The following LYRM4 variants were observed in gnomAD, a reference collection of about 807,000 sequenced individuals.
The protein encoded by LYRM4 is LYR motif-containing protein 4.
In LYRM4, 9 loss-of-function variants were observed where a neutral mutation model predicts 11.7. The ratio of observed to expected loss-of-function variants is 0.77; its 90% CI spans 0.46 to 1.34. The LOEUF (loss-of-function observed/expected upper bound fraction) is 1.34. LYRM4 is among the 40% of genes most tolerant of loss of function. The pLI is 0.00. For missense variants in LYRM4, 133 were observed against 112.5 expected (o/e 1.18, Z -0.82); for synonymous variants, 42 against 40.4 (o/e 1.04, Z -0.15).
chr6:5,245,120 A>ATATATG lies in LYRM4; in HGVS notation c.86+15527_86+15528insCATATA, dbSNP rs1764122055. On this transcript the variant is annotated intron_variant, in intron 1 of 2. Coordinates refer to ENST00000330636, the MANE Select transcript of LYRM4 (RefSeq NM_020408.6). ...AAAAAAAAAAAAAAAAAAAATATAT[A>ATATATG]TATATATATATATATATATATATAT... is the stretch of plus-strand genomic sequence containing the variant. 3.0e-4 allele frequency among the ~76,000 whole-genome samples: 7 copies of ATATATG among 23,422 alleles called. 1 individual carries two copies. The highest frequency in any genetic ancestry group is 4.3e-4 in the Admixed American group (1 of 2,308). 15.4% of individuals were successfully genotyped at this position (23,422 alleles called of 152,430 possible).
intron 1 of LYRM4, among the ~76,000 whole-genome samples, chr6:5,221,182 A>G (rs1459566935): frequency 2.0e-5 from 3 of 151,966 alleles, no homozygotes; most frequent in African/African-American, 7.3e-5. Flanking sequence ...TGCCCCTTAC[A>G]TGCTGTATTC....
chr6:5,216,690 A>G lies in LYRM4; in HGVS notation c.135T>C (p.Asn45=). 6.2e-7 allele frequency: 1 copy of G among 1,613,866 alleles called. No homozygotes were observed. Among genetic ancestry groups the G allele is most frequent in the South Asian group, 1.1e-5 (1 of 91,074 alleles). ...RIRDAFRENK[N]VKDPVEIQTL... ...TTTGAATTTCTACAGGATCCTTTAC[A>G]TTTTTATTTTCTCTGAAGGCATCTC... is the stretch of plus-strand genomic sequence containing the variant. The change falls in exon 2 of 3, where the codon AAT becomes AAC. Residue 45 remains asparagine (N), a synonymous_variant. Coordinates refer to ENST00000330636, the MANE Select transcript of LYRM4 (RefSeq NM_020408.6).
At chr6:5,166,443 G>C (rs1378198747) in intron 2 of LYRM4, among the ~76,000 whole-genome samples, 1 of 152,220 alleles carries the variant, frequency 6.6e-6, no homozygotes, top group African/African-American at 2.4e-5. Context: ...TTCTTCATTT[G>C]TTTTCAAGGT....
chr6:5,173,279 C>G (rs1426538044), intron 2 of LYRM4, among the ~76,000 whole-genome samples: 1 of 152,232 alleles, frequency 6.6e-6, no homozygotes, highest in African/African-American at 2.4e-5. Flanking sequence ...TCAGACACAT[C>G]AACGCTGTTA....
chr6:5,256,474 G>A (rs1764672597), intron 1 of LYRM4, among the ~76,000 whole-genome samples: 1 of 93,664 alleles, frequency 1.1e-5, no homozygotes, highest in South Asian at 3.9e-4. Context: ...TGGGCAACAA[G>A]GGCAAGATTT....
intron 2 of LYRM4, among the ~76,000 whole-genome samples, chr6:5,187,718 C>A (rs1431191474): frequency 6.6e-6 from 1 of 151,684 alleles, no homozygotes; most frequent in South Asian, 2.1e-4. Context: ...CAAACCTGCA[C>A]GTTGTGCACA....
intron 2 of LYRM4, among the ~76,000 whole-genome samples, chr6:5,170,395 G>C (rs953056718): frequency 6.6e-6 from 1 of 152,060 alleles, no homozygotes; most frequent in African/African-American, 2.4e-5. Context: ...ATTTTTCAAG[G>C]GGAGTATCCA....
chr6:5,237,897 G>A (rs966233323), intron 1 of LYRM4, among the ~76,000 whole-genome samples: 1 of 152,146 alleles, frequency 6.6e-6, no homozygotes. Context: ...AATGTCTTCC[G>A]CTTTAGCACC....
intron 2 of LYRM4, among the ~76,000 whole-genome samples, chr6:5,131,632 A>T (rs1414914787): frequency 6.6e-6 from 1 of 152,206 alleles, no homozygotes; most frequent in Non-Finnish European, 1.5e-5. Context: ...TTCATCAAGG[A>T]CTAGGCCAAA....
chr6:5,143,498 G>A (rs151309239), intron 2 of LYRM4, among the ~76,000 whole-genome samples: 8 of 152,324 alleles, frequency 5.3e-5, no homozygotes, highest in Admixed American at 5.2e-4. Context: ...AAGACAAACC[G>A]AGTATTGTGT....
At position 5,176,696 on chromosome 6, in the gene LYRM4, G is replaced by A. The variant is rs147030225; in HGVS notation, c.207+39922C>T. Among the ~76,000 whole-genome samples the A allele has an allele frequency of 9.0e-4, 137 of 152,346 alleles. 1 individual carries two copies. Among genetic ancestry groups the A allele is most frequent in the African/African-American group, 3.1e-3 (130 of 41,584 alleles). On this transcript the variant is annotated intron_variant, in intron 2 of 2. Transcript: ENST00000330636. ...TGTGCTTATGTTATGATCTGACAGA[G>A]TTACCTTTGAAAATGAAGTTTCGGT...
chr6:5,236,827 C>T (rs577391368), intron 1 of LYRM4, among the ~76,000 whole-genome samples: 12 of 151,498 alleles, frequency 7.9e-5, no homozygotes, highest in African/African-American at 2.9e-4. Flanking sequence ...TGTGGTGCTG[C>T]ATGCCTGTAG....
chr6:5,232,990 A>G (rs931828343), intron 1 of LYRM4, among the ~76,000 whole-genome samples: 2 of 152,232 alleles, frequency 1.3e-5, no homozygotes, highest in African/African-American at 4.8e-5. Flanking sequence ...ACCCTGCATT[A>G]AAGGCCACAA....
intron 2 of LYRM4, among the ~76,000 whole-genome samples, chr6:5,185,797 G>A (rs2127684147): frequency 6.6e-6 from 1 of 152,290 alleles, no homozygotes; most frequent in Non-Finnish European, 1.5e-5. Flanking sequence ...GGAGACAGGT[G>A]TGTCATGGCG....
intron 1 of LYRM4, among the ~76,000 whole-genome samples, chr6:5,241,195 A>T (rs1393025442): frequency 6.6e-6 from 1 of 152,234 alleles, no homozygotes; most frequent in Non-Finnish European, 1.5e-5. Context: ...AATAAAAAAA[A>T]AGAGCTGTTA....
chr6:5,100,941 C>G (rs767796480), downstream of LYRM4, among the ~76,000 whole-genome samples: 4 of 152,192 alleles, frequency 2.6e-5, no homozygotes, highest in Non-Finnish European at 4.4e-5. Context: ...CCATCTGACC[C>G]ACACAGACAC....
chr6:5,259,898 C>T (rs1310096556), intron 1 of LYRM4, among the ~76,000 whole-genome samples: 1 of 152,100 alleles, frequency 6.6e-6, no homozygotes, highest in Non-Finnish European at 1.5e-5. Flanking sequence ...AAAGCAGAGG[C>T]TCTGAATTAG....
the LYRM4 span, among the ~76,000 whole-genome samples, chr6:5,058,686 C>T: frequency 6.6e-6 from 1 of 152,152 alleles, no homozygotes; most frequent in Admixed American, 6.5e-5. Flanking sequence ...GTTTTGCCTT[C>T]TGCCTTCTTT....
the LYRM4 span, among the ~76,000 whole-genome samples, chr6:5,048,290 G>GTTGTGT: frequency 4.3e-5 from 6 of 140,052 alleles, no homozygotes; most frequent in Middle Eastern, 3.8e-3. Flanking sequence ...GACACTTTGT[G>GTTGTGT]GTGTGTGTGT....
Sources: allele counts gnomAD v4.1 joint callset (sites outside exome capture counted in the v4.1 genomes callset), GRCh38; gene constraint gnomAD v4.1.1; transcripts MANE v1.5; gene names NCBI Gene and HGNC (gene_info 2026-07-23, HGNC 2026-07-21).